The following ADAM19 variants were observed in gnomAD, a reference collection of about 807,000 sequenced individuals.
ADAM19 encodes the protein ADAM metallopeptidase domain 19, also known as disintegrin and metalloproteinase domain-containing protein 19.
In ADAM19, 65 loss-of-function variants were observed where a neutral mutation model predicts 114.7. That is an observed-to-expected ratio of 0.57 (90% confidence interval 0.46 to 0.70). The LOEUF is 0.70. Among genes scored for constraint, ADAM19 ranks in the 30% least tolerant of loss-of-function variants. The pLI is 0.00. For synonymous variants in ADAM19, 466 were observed against 460.5 expected (o/e 1.01, Z -0.15); for missense variants, 1,063 against 1,204.7 (o/e 0.88, Z 1.74).
intron 8 of ADAM19, among the ~76,000 whole-genome samples, chr5:157,512,041 C>T (rs767884860): frequency 7.2e-5 from 11 of 152,220 alleles, no homozygotes; most frequent in Admixed American, 7.2e-4. Flanking sequence ...AGTCAGCCTC[C>T]CATATTCTCC....
At chr5:157,495,935 T>A (rs1755349028) in intron 14 of ADAM19, among the ~76,000 whole-genome samples, 2 of 32,424 alleles carry the variant, frequency 6.2e-5, no homozygotes, top group Admixed American at 2.6e-4. Flanking sequence ...TGCCCAGTCT[T>A]TTTTTTTTTT....
rs910371720 is a variant in ADAM19, at chr5:157,519,865, G to A, written c.574C>T (p.Gln192Ter). The A allele has an allele frequency of 6.2e-7, 1 of 1,613,892 alleles. No individual in the cohort carries two copies. The highest frequency in any genetic ancestry group is 1.7e-5 in the Admixed American group (1 of 59,980). Residue 192 changes from glutamine to a stop codon, truncating the protein, a stop_gained, in exon 6 of 23, where the codon CAA (glutamine) becomes TAA (stop). Coordinates refer to ENST00000257527, the MANE Select transcript of ADAM19 (RefSeq NM_033274.5). LOFTEE classifies it high-confidence loss of function. ...TTRDWALQFT[Q>*]QTKKRPRRMK... is the part of the protein sequence containing the mutation. The stretch of plus-strand genomic sequence containing the variant: ...CTGCGAGGTCGCTTCTTGGTCTGTT[G>A]TGTAAACTGAAGAGCCCAGTCCCTG...
chr5:157,519,799 T>A lies in ADAM19; in HGVS notation c.600+40A>T, dbSNP rs372905145. 3.2e-6 allele frequency: 5 copies of A among 1,564,642 alleles called. No individual in the cohort carries two copies. In the African/African-American group the frequency reaches 4.1e-5, roughly 13 times the overall value. ...AGCAACCTCAGAGGGGACAAGCCTG[T>A]CCCCAGGTTGATTTCTGCACTGAGA... On this transcript the variant is annotated intron_variant, in intron 6 of 22. Coordinates refer to ENST00000257527, the MANE Select transcript of ADAM19 (RefSeq NM_033274.5).
chr5:157,520,666 A>C (rs1294716368), intron 5 of ADAM19, among the ~76,000 whole-genome samples: 1 of 152,228 alleles, frequency 6.6e-6, no homozygotes, highest in East Asian at 1.9e-4. Context: ...TGGATGATTA[A>C]GTGGAAAGAC....
chr5:157,507,372 G>A (rs1176178039), intron 9 of ADAM19, among the ~76,000 whole-genome samples: 1 of 152,242 alleles, frequency 6.6e-6, no homozygotes, highest in Non-Finnish European at 1.5e-5. Context: ...AAGAGAGAGA[G>A]AAAGGTCGTT....
intron 21 of ADAM19, among the ~76,000 whole-genome samples, chr5:157,486,317 G>A (rs1363548809): frequency 6.6e-6 from 1 of 152,190 alleles, no homozygotes; most frequent in Non-Finnish European, 1.5e-5. Context: ...GCAGCCCAAT[G>A]TCATCACAGC....
intron 5 of ADAM19, among the ~76,000 whole-genome samples, chr5:157,524,675 G>A (rs1001041541): frequency 6.6e-6 from 1 of 152,216 alleles, no homozygotes; most frequent in Non-Finnish European, 1.5e-5. Context: ...AAAGAGAAGA[G>A]AAGGCTTGTA....
At position 157,493,043 on chromosome 5, in the gene ADAM19, C is replaced by A. The variant is rs1252325479; in HGVS notation, c.1838G>T (p.Gly613Val). Reference protein sequence around the residue: ...IQCRGTHVYRGPEEEGDMLDP... With the variant: ...IQCRGTHVYRVPEEEGDMLDP... ...CAGCATGTCACCCTCCTCCTCAGGACCTCGGTAGACGTGGGTGCCCCGGCA... is the reference window on the plus strand; with the variant it reads ...CAGCATGTCACCCTCCTCCTCAGGAACTCGGTAGACGTGGGTGCCCCGGCA... The change falls in exon 16 of 23, where the codon GGT becomes GTT. Residue 613 changes from glycine (G) to valine (V), a missense_variant. Coordinates refer to ENST00000257527, the MANE Select transcript of ADAM19 (RefSeq NM_033274.5). The A allele has an allele frequency of 6.2e-7, 1 of 1,614,248 alleles. No individual in the cohort carries two copies.
rs1757544229 is a variant in ADAM19 at position 157,562,781 on chromosome 5, T to C, written c.251+1592A>G. Among the ~76,000 whole-genome samples, 3 of 152,216 alleles carry C rather than the reference T, an allele frequency of 2.0e-5. No individual in the cohort carries two copies. In the South Asian group the frequency reaches 6.2e-4, roughly 32 times the overall value. On this transcript the variant is annotated intron_variant, in intron 3 of 22. Transcript: ENST00000257527. ...TGTTTTCTAAGGCATCTTCCTGCTT[T>C]AGCTTCCTATGGTCTGTAGCAAATG...
At chr5:157,569,602 T>C (rs947141537) in intron 2 of ADAM19, among the ~76,000 whole-genome samples, 2 of 152,022 alleles carry the variant, frequency 1.3e-5, no homozygotes, top group African/African-American at 4.8e-5. Context: ...TAAATCCAAG[T>C]TGGAGCCTTT....
chr5:157,548,793 GC>G, intron 3 of ADAM19, among the ~76,000 whole-genome samples: 1 of 152,178 alleles, frequency 6.6e-6, no homozygotes, highest in Non-Finnish European at 1.5e-5. Context: ...GGATAGTCAT[GC>G]TCCATTGCCC....
chr5:157,575,670 C>G lies in ADAM19; in HGVS notation c.27G>C (p.Arg9=). 1 of 1,359,208 alleles carries G rather than the reference C, an allele frequency of 7.4e-7. No homozygotes were observed. The highest frequency in any genetic ancestry group is 9.4e-7 in the Non-Finnish European group (1 of 1,063,930). The allele number at this position is 1,359,208 out of a possible 1,614,324, so 84.2% of individuals were successfully genotyped here. Residue 9 remains arginine (R), a synonymous_variant, in exon 1 of 23, where the codon CGG becomes CGC. Transcript: ENST00000257527. MPGGAGAA[R]LCLLAFALQP... is the part of the protein sequence containing the mutation. ...GCAGGGCAAACGCCAGCAAGCAGAG[C>G]CGGGCGGCGCCTGCGCCCCCTGGCA...
chr5:157,525,912 C>T lies in ADAM19; in HGVS notation c.407+4895G>A, dbSNP rs115222172. Reference sequence around the variant, plus strand: ...ACAGTGAGAGTGAGCCCTATGTTTTCGAAGGCAGGGCTGCTGTAATATAAG... The same window carrying T: ...ACAGTGAGAGTGAGCCCTATGTTTTTGAAGGCAGGGCTGCTGTAATATAAG... On this transcript the variant is annotated intron_variant, in intron 5 of 22. Coordinates refer to ENST00000257527, the MANE Select transcript of ADAM19 (RefSeq NM_033274.5). Among the ~76,000 whole-genome samples, 907 of 152,136 alleles carry T rather than the reference C, an allele frequency of 6.0e-3. 13 individuals are homozygous for T. The highest frequency in any genetic ancestry group is 0.02 in the African/African-American group (846 of 41,504).
rs557287365 is a variant in ADAM19, at chr5:157,523,818, C to T, written c.408-3787G>A. On this transcript the variant is annotated intron_variant, in intron 5 of 22. Coordinates refer to ENST00000257527, the MANE Select transcript of ADAM19 (RefSeq NM_033274.5). ...CTGAGTAATTCCCTGCCTAGCCACA[C>T]TCAGGAACTTTGGCCTACAGACCAC... Among the ~76,000 whole-genome samples the T allele has an allele frequency of 5.8e-4, 88 of 152,228 alleles. 1 individual carries two copies. The highest frequency in any genetic ancestry group is 1.1e-3 in the Non-Finnish European group (74 of 68,042).
rs1755174166 is a variant in ADAM19 at position 157,491,830 on chromosome 5, C to T, written c.1986+5G>A. 4 of 1,614,186 alleles carry T rather than the reference C, an allele frequency of 2.5e-6. No homozygotes were observed. The highest frequency in any genetic ancestry group is 3.4e-6 in the Non-Finnish European group (4 of 1,180,000). On this transcript the variant is annotated splice_donor_5th_base_variant and intron_variant, in intron 17 of 22. Coordinates refer to ENST00000257527, the MANE Select transcript of ADAM19 (RefSeq NM_033274.5). The stretch of plus-strand genomic sequence containing the variant: ...GACACAGAGAAGCCAGAACCCAGCA[C>T]GCACCCCATGGCCATTGCACTTCTT...
At chr5:157,536,472 AC>A (rs1313257871) in intron 4 of ADAM19, among the ~76,000 whole-genome samples, 1 of 152,214 alleles carries the variant, frequency 6.6e-6, no homozygotes, top group Non-Finnish European at 1.5e-5. Context: ...TACTAAAAAT[AC>A]AAAAATTAGC....
intron 6 of ADAM19, among the ~76,000 whole-genome samples, chr5:157,519,335 A>G (rs569731802): frequency 6.6e-6 from 1 of 152,076 alleles, no homozygotes; most frequent in South Asian, 2.1e-4. Context: ...ATTTTTATTT[A>G]TTTTTCTGAG....
intron 21 of ADAM19, among the ~76,000 whole-genome samples, chr5:157,487,535 C>A (rs1754980404): frequency 6.6e-6 from 1 of 152,212 alleles, no homozygotes; most frequent in African/African-American, 2.4e-5. Context: ...CACCCGGCCG[C>A]CACCCAGGAA....
rs1475628221 is a variant in ADAM19, at chr5:157,505,759, A to G, written c.1040T>C (p.Met347Thr). 6.2e-7 allele frequency: 1 copy of G among 1,613,862 alleles called. No individual in the cohort carries two copies. Among genetic ancestry groups the G allele is most frequent in the Non-Finnish European group, 8.5e-7 (1 of 1,179,946 alleles). ...ATGGGTCATGCCAAAGTTGTGGCCCATCTCGTGGGCCATGGTGGCAGCCAC... is the reference window on the plus strand; with the variant it reads ...ATGGGTCATGCCAAAGTTGTGGCCCGTCTCGTGGGCCATGGTGGCAGCCAC... ...IGVAATMAHE[M>T]GHNFGMTHDS... The change falls in exon 11 of 23, where the codon ATG becomes ACG. Residue 347 changes from methionine to threonine, a missense_variant. Transcript: ENST00000257527.
Sources: allele counts gnomAD v4.1 joint callset (sites outside exome capture counted in the v4.1 genomes callset), GRCh38; gene constraint gnomAD v4.1.1; transcripts MANE v1.5; gene names NCBI Gene and HGNC (gene_info 2026-07-23, HGNC 2026-07-21).